Variants in VPS13C observed in about 807,000 individuals in gnomAD.
The protein encoded by VPS13C is intermembrane lipid transfer protein VPS13C.
VPS13C carries 358 observed loss-of-function variants against 456.8 expected under a neutral mutation model. The ratio of observed to expected loss-of-function variants is 0.78; its 90% CI spans 0.72 to 0.86. VPS13C has a LOEUF of 0.86. VPS13C is among the 40% of genes least tolerant of loss of function. The pLI is 0.00. For synonymous variants in VPS13C, 1,578 were observed against 1,486.7 expected (o/e 1.06, Z -1.41); for missense variants, 4,818 against 4,385.4 (o/e 1.10, Z -2.79).
intron 79 of VPS13C, among the ~76,000 whole-genome samples, chr15:61,870,656 T>C (rs1057167182): frequency 3.9e-5 from 6 of 152,184 alleles, no homozygotes; most frequent in Non-Finnish European, 8.8e-5. Flanking sequence ...AGGAGTAGAA[T>C]TGCTGGGACA....
chr15:62,049,542 C>T (rs1163156733), intron 1 of VPS13C, among the ~76,000 whole-genome samples: 1 of 152,202 alleles, frequency 6.6e-6, no homozygotes, highest in African/African-American at 2.4e-5. Context: ...AGCGTGATGT[C>T]TCCGGCTTTG....
intron 48 of VPS13C, chr15:61,935,824 C>T (rs1358248206): frequency 6.6e-6 from 1 of 152,144 alleles, no homozygotes; most frequent in Non-Finnish European, 1.5e-5. Context: ...GGTATATCAA[C>T]TGGTAGTTTT....
In VPS13C at chr15:61,931,003, G is replaced by T; in HGVS notation, c.6038+87C>A. 3.4e-6 allele frequency: 5 copies of T among 1,471,450 alleles called. No individual in the cohort carries two copies. In the Admixed American group the frequency reaches 7.4e-5, roughly 22 times the overall value. 91.1% of individuals were successfully genotyped at this position (1,471,450 alleles called of 1,614,324 possible). A position where few individuals can be genotyped will look rare whatever the true frequency, so the allele number is the denominator to read the frequency against. On this transcript the variant is annotated intron_variant, in intron 50 of 84. Coordinates refer to ENST00000644861, the MANE Select transcript of VPS13C (RefSeq NM_020821.3). ...GACCAAAAGACAGAGATCTTTTTTG[G>T]ATGATCCCTAGCCTAGCAATGCCTG...
intron 52 of VPS13C, 130 bp downstream of exon 52, chr15:61,926,961 A>G: frequency 1.2e-6 from 1 of 807,192 alleles, no homozygotes; most frequent in Non-Finnish European, 1.9e-6. Context: ...CAATATCTTT[A>G]TATGTAAAAC....
intron 1 of VPS13C, among the ~76,000 whole-genome samples, chr15:62,048,556 A>G (rs2048507529): frequency 6.6e-6 from 1 of 152,130 alleles, no homozygotes; most frequent in South Asian, 2.1e-4. Flanking sequence ...TAGTGCCGCA[A>G]TAAACATATG....
chr15:62,056,574 G>T (rs568906426), intron 1 of VPS13C, among the ~76,000 whole-genome samples: 64 of 152,252 alleles, frequency 4.2e-4, no homozygotes, highest in Middle Eastern at 6.8e-3. Flanking sequence ...GGGAAGGGAG[G>T]CTCCCTTTCC....
intron 1 of VPS13C, among the ~76,000 whole-genome samples, chr15:62,048,258 C>CA (rs1339519591): frequency 1.3e-5 from 1 of 79,480 alleles, no homozygotes; most frequent in African/African-American, 3.9e-5. Context: ...CTCCCCCCAC[C>CA]CCCCCCAACA....
At chr15:62,009,395 CCT>C (rs1219157497) in intron 13 of VPS13C, among the ~76,000 whole-genome samples, 1 of 150,918 alleles carries the variant, frequency 6.6e-6, no homozygotes, top group Non-Finnish European at 1.5e-5. Context: ...CTAGCTTCCT[CCT>C]CTCTAATTTT....
chr15:61,951,793 A>G, intron 39 of VPS13C, 31 bp downstream of exon 39: 4 of 1,582,364 alleles, frequency 2.5e-6, no homozygotes, highest in South Asian at 1.2e-5. Flanking sequence ...TGCCTAATGA[A>G]TAATTTACAC....
At chr15:61,930,958 C>A in intron 50 of VPS13C, 132 bp downstream of exon 50, 1 of 994,066 alleles carries the variant, frequency 1.0e-6, no homozygotes. Flanking sequence ...CTTCTTAATG[C>A]AATTCAAATC....
In VPS13C at chr15:61,991,023, G is replaced by A. The variant is rs776854704; in HGVS notation, c.1555C>T (p.His519Tyr). 8 of 1,612,524 alleles carry A rather than the reference G, an allele frequency of 5.0e-6. No individual in the cohort carries two copies. Among genetic ancestry groups the A allele is most frequent in the Non-Finnish European group, 6.8e-6 (8 of 1,179,326 alleles). The part of the protein sequence containing the change: ...FTAIGYSEST[H>Y]NLTLPKQYVA... ...ACCTGCTTAGGTAAAGTTAGGTTGTGGGTACTCTCACTATAACCAATGGCA... is the reference window on the plus strand; with the variant it reads ...ACCTGCTTAGGTAAAGTTAGGTTGTAGGTACTCTCACTATAACCAATGGCA... The change falls in exon 18 of 85, where the codon CAC (histidine) becomes TAC (tyrosine). Residue 519 changes from histidine (H) to tyrosine (Y), a missense_variant. Around this residue, in one of 3 missense-constraint regions of VPS13C, gnomAD observed 4,552 missense variants for 4,130.6 expected, o/e 1.10. Coordinates refer to ENST00000644861, the MANE Select transcript of VPS13C (RefSeq NM_020821.3).
chr15:61,969,294 AT>A lies in VPS13C; in HGVS notation c.2911+4del. 1.3e-6 allele frequency: 2 copies of A among 1,580,038 alleles called. No individual in the cohort carries two copies. Among genetic ancestry groups the A allele is most frequent in the Non-Finnish European group, 1.7e-6 (2 of 1,161,154 alleles). Reference sequence around the variant, plus strand: ...GGCTATTATTTCTATTTTTATGGGTATTACCTTCAATTTCATGATAATCCAA... The same window carrying A: ...GGCTATTATTTCTATTTTTATGGGTATACCTTCAATTTCATGATAATCCAA... On this transcript the variant is annotated splice_donor_region_variant and intron_variant, in intron 28 of 84. Transcript: ENST00000644861.
chr15:62,022,000 T>C (rs2047479331), intron 8 of VPS13C, among the ~76,000 whole-genome samples: 1 of 151,938 alleles, frequency 6.6e-6, no homozygotes. Context: ...TTTTAAAGGC[T>C]GAATAGTATT....
In VPS13C at chr15:61,863,472, T is replaced by A; in HGVS notation, c.10920A>T (p.Gly3640=). The A allele has an allele frequency of 2.5e-6, 4 of 1,612,960 alleles. No individual in the cohort carries two copies. Among genetic ancestry groups the A allele is most frequent in the Non-Finnish European group, 3.4e-6 (4 of 1,179,288 alleles). The change falls in exon 82 of 85, where the codon GGA becomes GGT. Residue 3640 remains glycine (G), a synonymous_variant. Coordinates refer to ENST00000644861, the MANE Select transcript of VPS13C (RefSeq NM_020821.3). The part of the protein sequence containing the change: ...ETYRYHCAIP[G]SKKTILMVTN... ...TAACCATAAGGATTGTCTTCTTGCT[T>A]CCAGGAATAGCACAGTGGTATCGGT...
At chr15:61,900,934 G>C (rs1472545589) in intron 66 of VPS13C, among the ~76,000 whole-genome samples, 1 of 151,666 alleles carries the variant, frequency 6.6e-6, no homozygotes, top group Non-Finnish European at 1.5e-5. Flanking sequence ...GGAACAGAAC[G>C]GAGCCCTCAG....
At chr15:62,005,433 C>T (rs1290133191) in intron 15 of VPS13C, among the ~76,000 whole-genome samples, 1 of 152,130 alleles carries the variant, frequency 6.6e-6, no homozygotes, top group African/African-American at 2.4e-5. Flanking sequence ...GATGGGTTTC[C>T]TGAATACAGC....
chr15:61,914,882 A>T (rs1262116732), intron 61 of VPS13C, among the ~76,000 whole-genome samples: 6 of 45,650 alleles, frequency 1.3e-4, no homozygotes, highest in African/African-American at 4.5e-4. Context: ...CTGCCTTAAA[A>T]AAAAAAAAAA....
Position 61,929,716 on chromosome 15 carries a change from T to C in VPS13C, c.6071A>G (p.Asn2024Ser), listed in dbSNP as rs769836364. The change falls in exon 51 of 85, where the codon AAC (asparagine) becomes AGC (serine). Residue 2024 changes from asparagine (N) to serine (S), a missense_variant. Asn to Ser is a conservative substitution (Grantham distance 46, BLOSUM62 1). Transcript: ENST00000644861. ...GTAACTTATATCAATCATAGAACTG[T>C]TGTTATCTTGGTCATTCTTTCTGTC... ...MIDRKNDQDN[N>S]SSMIDISYKQ... 8.1e-6 allele frequency: 13 copies of C among 1,613,232 alleles called. No homozygotes were observed. The highest frequency in any genetic ancestry group is 6.7e-5 in the East Asian group (3 of 44,860).
rs1296669454 is a variant in VPS13C, at chr15:61,941,914, GAAT to G, written c.5299_5301del (p.Ile1767del). The G allele has an allele frequency of 6.2e-7, 1 of 1,613,966 alleles. No individual in the cohort carries two copies. The highest frequency in any genetic ancestry group is 8.5e-7 in the Non-Finnish European group (1 of 1,179,918). On this transcript the variant is annotated inframe_deletion, in exon 46 of 85. Transcript: ENST00000644861. Reference sequence around the variant, plus strand: ...GCATTAGGTGATACTGAAGACTGAGGAATAATAATAACTGGTGCTTTCAAATTA... The same window carrying G: ...GCATTAGGTGATACTGAAGACTGAGGAATAATAACTGGTGCTTTCAAATTA...
Sources: allele counts gnomAD v4.1 joint callset (sites outside exome capture counted in the v4.1 genomes callset), GRCh38; gene constraint gnomAD v4.1.1; regional missense constraint gnomAD v4.1.1; transcripts MANE v1.5; gene names NCBI Gene and HGNC (gene_info 2026-07-23, HGNC 2026-07-21).